Variants in TAF1 observed in about 807,000 individuals in gnomAD.
TAF1 encodes the protein TATA-box binding protein associated factor 1, also known as transcription initiation factor TFIID subunit 1.
Under a neutral mutation model 138.5 loss-of-function variants are expected in TAF1, and 2 were observed. The observed-to-expected ratio is 0.01, with a 90% confidence interval of 0.01 to 0.05. The LOEUF is 0.05. TAF1 is among the 10% of genes least tolerant of loss of function. The probability of loss-of-function intolerance (pLI) is 1.00; values close to 1 mark genes in which losing one functional copy is unlikely to be tolerated. For synonymous variants in TAF1, 437 were observed against 503.2 expected, an observed-to-expected ratio of 0.87 and a Z score of 1.76; for missense variants, 709 against 1,478.0, an observed-to-expected ratio of 0.48 and a Z score of 8.53.
intron 32 of TAF1, among the ~76,000 whole-genome samples, chrX:71,449,355 C>T (rs2037849836): frequency 9.0e-6 from 1 of 111,023 alleles, no homozygotes; most frequent in Admixed American, 9.5e-5. Flanking sequence ...AAACTCCTGA[C>T]CTCAGGTGAT....
intron 13 of TAF1, among the ~76,000 whole-genome samples, chrX:71,478,833 A>G (rs955470442): frequency 1.1e-4 from 12 of 112,632 alleles, no homozygotes; most frequent in African/African-American, 3.9e-4. Context: ...ATAAACGTGA[A>G]AATGTTGGCC....
chrX:71,377,558 A>G, intron 5 of TAF1, 45 bp from the exon 6 acceptor site: 1 of 1,179,531 alleles, frequency 8.5e-7, no homozygotes. Flanking sequence ...CTGTTTTCCC[A>G]TCTGACTTTG....
intron 5 of TAF1, 114 bp downstream of exon 5, chrX:71,377,305 T>C (rs991816319): frequency 9.2e-7 from 1 of 1,084,053 alleles, no homozygotes; most frequent in African/African-American, 1.8e-5. Context: ...TGACATATTA[T>C]TGGCTACATA....
chrX:71,503,361 T>TAC (rs199646550), intron 13 of TAF1, among the ~76,000 whole-genome samples: 8 of 98,997 alleles, frequency 8.1e-5, no homozygotes, highest in Admixed American at 1.1e-4. Flanking sequence ...TATATATATA[T>TAC]ACACACACAT....
At chrX:71,452,469 T>C (rs187286155) in intron 32 of TAF1, among the ~76,000 whole-genome samples, 7,942 of 105,294 alleles carry the variant, frequency 0.075, 674 homozygotes, top group African/African-American at 0.25. Flanking sequence ...GATGGGCGGC[T>C]GGGCAGAGAC....
intron 14 of TAF1, among the ~76,000 whole-genome samples, chrX:71,529,233 G>A (rs1028228907): frequency 5.2e-4 from 57 of 110,177 alleles, no homozygotes; most frequent in Admixed American, 3.6e-3. Context: ...CACCACGCCT[G>A]ACTAATTTTT....
At chrX:71,529,526 A>G (rs2040064798) in intron 14 of TAF1, 1 of 232,641 alleles carries the variant, frequency 4.3e-6, no homozygotes, top group African/African-American at 2.9e-5. Flanking sequence ...ACTCACTTCC[A>G]TGGGAGAACT....
intron 13 of TAF1, among the ~76,000 whole-genome samples, chrX:71,505,220 A>T (rs1321793629): frequency 8.9e-6 from 1 of 111,815 alleles, no homozygotes; most frequent in Non-Finnish European, 1.9e-5. Context: ...GGGAGAATAG[A>T]CAAATCTTTA....
chrX:71,450,720 A>T lies in TAF1; in HGVS notation c.4754-3450A>T, dbSNP rs764057272. ...TATAAACTTCTTGAGGATATGACCT[A>T]TATCTCACTCATTTCTATCATCTCC... On this transcript the variant is annotated intron_variant, in intron 32 of 37. Transcript: ENST00000423759. Among the ~76,000 whole-genome samples the T allele has an allele frequency of 7.8e-4, 88 of 112,401 alleles. 1 individual carries two copies. The highest frequency in any genetic ancestry group is 1.5e-3 in the Non-Finnish European group (82 of 53,310).
chrX:71,454,983 G>C (rs1451286282), intron 34 of TAF1, 126 bp downstream of exon 34: 4 of 1,166,204 alleles, frequency 3.4e-6, no homozygotes, highest in East Asian at 6.4e-5. Flanking sequence ...TATGCCTTTC[G>C]TGTGCTTTCT....
intron 13 of TAF1, among the ~76,000 whole-genome samples, chrX:71,496,623 C>T (rs753398740): frequency 1.8e-5 from 2 of 109,005 alleles, no homozygotes; most frequent in African/African-American, 3.3e-5. Flanking sequence ...CCTTCTTTGT[C>T]GGTCTCTTCC....
chrX:71,421,272 G>A lies in TAF1; in HGVS notation c.4385-37G>A, dbSNP rs369795723. On this transcript the variant is annotated intron_variant, in intron 28 of 37. Coordinates refer to ENST00000423759, the MANE Select transcript of TAF1 (RefSeq NM_004606.5). ...GAAGTGTTGGCAGCTTTTGCCTCCC[G>A]TTATTAGTGGTTTCATCTCTTTCTG... 4.8e-4 allele frequency: 557 copies of A among 1,161,451 alleles called. 1 individual carries two copies. Among genetic ancestry groups the A allele is most frequent in the Admixed American group, 9.2e-4 (41 of 44,792 alleles).
intron 13 of TAF1, among the ~76,000 whole-genome samples, chrX:71,524,708 C>A (rs1277176182): frequency 9.2e-6 from 1 of 108,728 alleles, no homozygotes; most frequent in Admixed American, 9.9e-5. Flanking sequence ...TTTGGGAGGC[C>A]AAGGAGGGCG....
chrX:71,379,899 GC>G (rs1415021452), intron 8 of TAF1, among the ~76,000 whole-genome samples: 4 of 111,826 alleles, frequency 3.6e-5, no homozygotes, highest in African/African-American at 1.3e-4. Context: ...ACCACGCCTG[GC>G]CTGAAGTTAA....
chrX:71,368,301 A>T, intron 3 of TAF1, 131 bp downstream of exon 3: 1 of 595,634 alleles, frequency 1.7e-6, no homozygotes. Flanking sequence ...TGGCTCCTCC[A>T]CTCCCTTTGT....
intron 3 of TAF1, among the ~76,000 whole-genome samples, chrX:71,369,730 C>T (rs780862045): frequency 2.8e-5 from 3 of 107,976 alleles, no homozygotes; most frequent in Non-Finnish European, 5.8e-5. Flanking sequence ...CTCAGCCTCC[C>T]GAGTAGCTGG....
intron 32 of TAF1, among the ~76,000 whole-genome samples, chrX:71,430,386 A>C (rs1329351249): frequency 1.0e-5 from 1 of 96,006 alleles, no homozygotes; most frequent in African/African-American, 3.9e-5. Context: ...TCCGTCTCAC[A>C]AAAAAAAAAA....
At chrX:71,440,800 A>G (rs2037374346) in intron 32 of TAF1, among the ~76,000 whole-genome samples, 1 of 111,338 alleles carries the variant, frequency 9.0e-6, no homozygotes, top group Non-Finnish European at 1.9e-5. Context: ...TTAAATTAAA[A>G]ACATTTTCTT....
Position 71,393,448 on chromosome X carries a change from T to A in TAF1, c.3199T>A (p.Cys1067Ser). 1 of 1,202,550 alleles carries A rather than the reference T, an allele frequency of 8.3e-7. No homozygotes were observed. Residue 1067 changes from cysteine (C) to serine (S), a missense_variant, in exon 21 of 38, where the codon TGT becomes AGT. Around this residue, in one of 14 missense-constraint regions of TAF1, gnomAD observed 31 missense variants for 140.4 expected, o/e 0.22. Coordinates refer to ENST00000423759, the MANE Select transcript of TAF1 (RefSeq NM_004606.5). ...AEHQERYKEE[C>S]QRIFDLQNKV... The stretch of plus-strand genomic sequence containing the variant: ...GCATCAAGAGCGTTACAAAGAGGAA[T>A]GTCAGCGCATCTTTGACCTACAGAA...
Sources: allele counts gnomAD v4.1 joint callset (sites outside exome capture counted in the v4.1 genomes callset), GRCh38; gene constraint gnomAD v4.1.1; regional missense constraint gnomAD v4.1.1; transcripts MANE v1.5; gene names NCBI Gene and HGNC (gene_info 2026-07-23, HGNC 2026-07-21).